The following GORASP2 variants were observed in gnomAD, a reference collection of about 807,000 sequenced individuals.
The protein encoded by GORASP2 is golgi reassembly stacking protein 2.
Under a neutral mutation model 45.7 loss-of-function variants are expected in GORASP2, and 22 were observed. The observed-to-expected ratio is 0.48, with a 90% CI of 0.34 to 0.69. GORASP2 has a LOEUF of 0.69. Ranked by LOEUF, GORASP2 falls within the 30% of genes least tolerant of loss-of-function variation. GORASP2 has a pLI of 0.01. For synonymous variants in GORASP2, 221 were observed against 215.6 expected (o/e 1.02, Z -0.22); for missense variants, 491 against 562.7 (o/e 0.87, Z 1.29).
rs377008484 is a variant in GORASP2, at chr2:170,949,514, G to A, written c.145-25G>A. ...TAACATTAAATTTTTATTTACTAAG[G>A]AATGTGATTTCTATGTGTTCACAGA... On this transcript the variant is annotated intron_variant, in intron 2 of 9. Coordinates refer to ENST00000234160, the MANE Select transcript of GORASP2 (RefSeq NM_015530.5). 4.8e-5 allele frequency: 76 copies of A among 1,572,522 alleles called. No homozygotes were observed. In the Admixed American group the frequency reaches 9.2e-4, roughly 19 times the overall value.
intron 9 of GORASP2, among the ~76,000 whole-genome samples, chr2:170,963,489 G>A (rs1361193234): frequency 1.5e-4 from 4 of 26,430 alleles, no homozygotes; most frequent in South Asian, 7.8e-4. Flanking sequence ...TCCTCCTCCC[G>A]CCCCCCTCCC....
intron 1 of GORASP2, among the ~76,000 whole-genome samples, chr2:170,947,508 C>T (rs1016747494): frequency 6.6e-6 from 1 of 152,154 alleles, no homozygotes; most frequent in Non-Finnish European, 1.5e-5. Context: ...CCCTTAGAAC[C>T]TTATACCAAA....
Position 170,956,458 on chromosome 2 carries a change from C to T in GORASP2, c.722C>T (p.Pro241Leu). The T allele has an allele frequency of 6.2e-7, 1 of 1,612,408 alleles. No homozygotes were observed. The highest frequency in any genetic ancestry group is 8.5e-7 in the Non-Finnish European group (1 of 1,179,428). Residue 241 changes from proline to leucine, a missense_variant, in exon 7 of 10, where the codon CCC becomes CTC. Pro to Leu is a moderately conservative substitution (Grantham distance 98). Coordinates refer to ENST00000234160, the MANE Select transcript of GORASP2 (RefSeq NM_015530.5). ...FTEVQLSSVNPPSLSPPGTTG... is the reference protein window; with the variant it reads ...FTEVQLSSVNLPSLSPPGTTG... ...AAGGTCCAGCTGTCCTCAGTTAATC[C>T]CCCGTCTTTGTCACCACCAGGAACT...
In GORASP2 at chr2:170,949,550, T is replaced by C. The variant is rs762291962; in HGVS notation, c.156T>C (p.Asn52=). 4.3e-6 allele frequency: 7 copies of C among 1,612,796 alleles called. No individual in the cohort carries two copies. The highest frequency in any genetic ancestry group is 1.1e-5 in the South Asian group (1 of 91,064). ...SINGSRLNKD[N]DTLKDLLKAN... ...CTATGTGTTCACAGAATAAAGACAATGACACTCTTAAGGATCTGCTGAAAG... is the reference window on the plus strand; with the variant it reads ...CTATGTGTTCACAGAATAAAGACAACGACACTCTTAAGGATCTGCTGAAAG... Residue 52 remains asparagine, a synonymous_variant, in exon 3 of 10, where the codon AAT becomes AAC. Coordinates refer to ENST00000234160, the MANE Select transcript of GORASP2 (RefSeq NM_015530.5).
intron 1 of GORASP2, among the ~76,000 whole-genome samples, chr2:170,932,683 T>TA (rs1703855968): frequency 6.6e-6 from 1 of 152,238 alleles, no homozygotes; most frequent in Non-Finnish European, 1.5e-5. Context: ...GAACCTGAAT[T>TA]ACCTGTAATC....
intron 1 of GORASP2, among the ~76,000 whole-genome samples, chr2:170,933,655 C>T (rs1228871204): frequency 6.6e-6 from 1 of 151,998 alleles, no homozygotes; most frequent in Non-Finnish European, 1.5e-5. Flanking sequence ...CTCACAGATG[C>T]CTATTATAGG....
At chr2:170,929,534 G>T (rs971011419) in intron 1 of GORASP2, 131 bp downstream of exon 1, 18 of 783,792 alleles carry the variant, frequency 2.3e-5, no homozygotes, top group Non-Finnish European at 3.4e-5. Context: ...GGTCGCGGGC[G>T]CTGCCTTGGT....
chr2:170,937,285 C>T (rs1245261727), intron 1 of GORASP2, among the ~76,000 whole-genome samples: 3 of 152,132 alleles, frequency 2.0e-5, no homozygotes, highest in Non-Finnish European at 4.4e-5. Flanking sequence ...CCCAGCTCAC[C>T]GCAGCCTCGA....
chr2:170,938,239 G>T (rs1443724166), intron 1 of GORASP2, among the ~76,000 whole-genome samples: 1 of 152,230 alleles, frequency 6.6e-6, no homozygotes, highest in Non-Finnish European at 1.5e-5. Context: ...ACTAGCATTT[G>T]CATTATTGTG....
chr2:170,960,794 C>T (rs906357823), intron 7 of GORASP2, among the ~76,000 whole-genome samples: 77 of 152,046 alleles, frequency 5.1e-4, no homozygotes, highest in African/African-American at 1.7e-3. Flanking sequence ...CTCTGAATTC[C>T]GCAGAAAAGT....
rs1704250960 is a variant in GORASP2, at chr2:170,949,556, T to G, written c.162T>G (p.Thr54=). 6.2e-7 allele frequency: 1 copy of G among 1,613,292 alleles called. No homozygotes were observed. ...GTTCACAGAATAAAGACAATGACACTCTTAAGGATCTGCTGAAAGCAAACG... is the reference window on the plus strand; with the variant it reads ...GTTCACAGAATAAAGACAATGACACGCTTAAGGATCTGCTGAAAGCAAACG... ...NGSRLNKDND[T]LKDLLKANVE... is the part of the protein sequence containing the mutation. Residue 54 remains threonine (T), a synonymous_variant, in exon 3 of 10, where the codon ACT becomes ACG. Transcript: ENST00000234160.
chr2:170,951,662 T>G (rs1704303961), intron 5 of GORASP2: 1 of 330,396 alleles, frequency 3.0e-6, no homozygotes, highest in South Asian at 1.1e-4. Flanking sequence ...ACTATAGTCC[T>G]TTTCTTTACT....
Position 170,966,358 on chromosome 2 carries a change from A to C in GORASP2, c.*228A>C. The C allele has an allele frequency of 1.8e-6, 1 of 554,322 alleles. No homozygotes were observed. The highest frequency in any genetic ancestry group is 3.2e-6 in the Non-Finnish European group (1 of 310,150). The allele number at this position is 554,322 out of a possible 1,614,324, so 34.3% of individuals were successfully genotyped here. ...AGCGCTTGTATTTTAAACAACCAAA[A>C]AGAATTGTAAGGGTGGCTTGCTGCC... On this transcript the variant is annotated 3_prime_UTR_variant, in exon 10 of 10. Transcript: ENST00000234160.
intron 7 of GORASP2, among the ~76,000 whole-genome samples, chr2:170,960,807 A>G (rs1704539806): frequency 6.6e-6 from 1 of 152,226 alleles, no homozygotes; most frequent in Non-Finnish European, 1.5e-5. Context: ...AGAAAAGTAG[A>G]TAAATGAATA....
intron 9 of GORASP2, 100 bp downstream of exon 9, chr2:170,963,046 T>A: frequency 2.6e-6 from 2 of 765,928 alleles, no homozygotes; most frequent in Non-Finnish European, 4.6e-6. Flanking sequence ...CAAATCAGTT[T>A]AACAGATTTC....
chr2:170,961,770 G>T, intron 8 of GORASP2, 21 bp downstream of exon 8: 1 of 1,171,932 alleles, frequency 8.5e-7, no homozygotes, highest in African/African-American at 1.5e-5. Context: ...GGGGACTAGA[G>T]ATGTGGCTGA....
chr2:170,949,258 T>C (rs1355887228), intron 2 of GORASP2, among the ~76,000 whole-genome samples: 2 of 152,236 alleles, frequency 1.3e-5, no homozygotes, highest in Admixed American at 6.5e-5. Flanking sequence ...TATTTTGTTT[T>C]TACACATTGA....
At chr2:170,942,235 C>T (rs142304709) in intron 1 of GORASP2, among the ~76,000 whole-genome samples, 32 of 152,212 alleles carry the variant, frequency 2.1e-4, no homozygotes, top group African/African-American at 5.5e-4. Context: ...ATAAAAGTTA[C>T]ATACCAGAAA....
At chr2:170,944,915 T>G (rs1704150472) in intron 1 of GORASP2, among the ~76,000 whole-genome samples, 1 of 152,196 alleles carries the variant, frequency 6.6e-6, no homozygotes, top group Non-Finnish European at 1.5e-5. Context: ...TGAGGATCTG[T>G]GCTGTTCATT....
Sources: allele counts gnomAD v4.1 joint callset (sites outside exome capture counted in the v4.1 genomes callset), GRCh38; gene constraint gnomAD v4.1.1; transcripts MANE v1.5; gene names NCBI Gene and HGNC (gene_info 2026-07-23, HGNC 2026-07-21).